DACH2: variants seen among roughly 807,000 people sequenced by gnomAD.
DACH2 encodes the protein dachshund homolog 2.
In DACH2, 17 loss-of-function variants were observed where a neutral mutation model predicts 35.8. That is an observed-to-expected ratio of 0.48 (90% confidence interval 0.33 to 0.71). The LOEUF (loss-of-function observed/expected upper bound fraction) is 0.71, where lower values mean the gene tolerates loss of function less well. Among genes scored for constraint, DACH2 ranks in the 30% least tolerant of loss-of-function variants. The pLI is 0.02. For missense variants in DACH2, 469 were observed against 472.7 expected (o/e 0.99, Z 0.07); for synonymous variants, 195 against 177.3 (o/e 1.10, Z -0.79).
At chrX:86,798,329 A>G (rs756445954) in intron 7 of DACH2, among the ~76,000 whole-genome samples, 1 of 112,244 alleles carries the variant, frequency 8.9e-6, no homozygotes, top group Non-Finnish European at 1.9e-5. Context: ...TTCACAAGTC[A>G]CTAAAAAACA....
chrX:86,345,861 T>C (rs2035488029), intron 1 of DACH2, among the ~76,000 whole-genome samples: 1 of 111,793 alleles, frequency 8.9e-6, no homozygotes, highest in South Asian at 3.7e-4. Context: ...GATCCCTAAA[T>C]AAAAGAACAG....
At chrX:86,304,035 T>A (rs2034627836) in intron 1 of DACH2, among the ~76,000 whole-genome samples, 1 of 111,646 alleles carries the variant, frequency 9.0e-6, no homozygotes, top group African/African-American at 3.3e-5. Context: ...AACAGACTGA[T>A]AAACTACTGA....
At chrX:86,569,569 C>G (rs1035657563) in intron 3 of DACH2, among the ~76,000 whole-genome samples, 1 of 111,151 alleles carries the variant, frequency 9.0e-6, no homozygotes, top group Non-Finnish European at 1.9e-5. Flanking sequence ...GACTTAAACT[C>G]GGCATTTTGA....
chrX:86,654,811 A>G (rs1239056509), intron 4 of DACH2, among the ~76,000 whole-genome samples: 1 of 111,713 alleles, frequency 9.0e-6, no homozygotes, highest in African/African-American at 3.3e-5. Context: ...TTGTAGTATT[A>G]TAATCATAAT....
intron 6 of DACH2, 108 bp downstream of exon 6, chrX:86,714,828 A>C: frequency 1.4e-6 from 1 of 719,405 alleles, no homozygotes; most frequent in Middle Eastern, 3.7e-4. Context: ...TCATTGACTC[A>C]GTTAGTTAGC....
intron 1 of DACH2, among the ~76,000 whole-genome samples, chrX:86,201,549 C>T (rs2032157504): frequency 9.0e-6 from 1 of 111,210 alleles, no homozygotes; most frequent in African/African-American, 3.3e-5. Flanking sequence ...ATTGCCATCT[C>T]TTAAGCTACT....
intron 3 of DACH2, among the ~76,000 whole-genome samples, chrX:86,638,828 G>A (rs1297215546): frequency 8.9e-6 from 1 of 111,802 alleles, no homozygotes; most frequent in East Asian, 2.8e-4. Flanking sequence ...AAATTAGTAC[G>A]ATCTATATGG....
chrX:86,688,851 G>A (rs2040977802), intron 4 of DACH2, among the ~76,000 whole-genome samples: 1 of 112,093 alleles, frequency 8.9e-6, no homozygotes, highest in African/African-American at 3.2e-5. Context: ...CAATATGATA[G>A]TCCCTAGCTG....
At chrX:86,662,515 C>A (rs7050879) in intron 4 of DACH2, among the ~76,000 whole-genome samples, 13,135 of 109,991 alleles carry the variant, frequency 0.12, 670 homozygotes, top group East Asian at 0.32. Context: ...ATAGCTTGAA[C>A]CAGGCAGGCG....
At chrX:86,749,163 C>T (rs768905407) in intron 7 of DACH2, among the ~76,000 whole-genome samples, 5 of 111,824 alleles carry the variant, frequency 4.5e-5, no homozygotes, top group African/African-American at 1.6e-4. Flanking sequence ...CAAGTTTCTC[C>T]ATATCAAGAA....
At chrX:86,603,434 C>A (rs759938469) in intron 3 of DACH2, among the ~76,000 whole-genome samples, 1 of 110,011 alleles carries the variant, frequency 9.1e-6, no homozygotes, top group African/African-American at 3.3e-5. Flanking sequence ...CATTCACCCC[C>A]ATTCCAACAT....
chrX:86,349,267 G>A (rs1211445385), intron 1 of DACH2, among the ~76,000 whole-genome samples: 1 of 111,742 alleles, frequency 8.9e-6, no homozygotes, highest in Non-Finnish European at 1.9e-5. Context: ...CCGACCACCT[G>A]GGCCAAACTC....
intron 2 of DACH2, among the ~76,000 whole-genome samples, chrX:86,391,180 C>A (rs1432283018): frequency 9.8e-6 from 1 of 101,723 alleles, no homozygotes; most frequent in Non-Finnish European, 2.0e-5. Context: ...TACTAGGAGA[C>A]GGAGGCATGA....
intron 1 of DACH2, among the ~76,000 whole-genome samples, chrX:86,296,690 C>T (rs7878840): frequency 0.24 from 26,952 of 110,354 alleles, 4,185 homozygotes; most frequent in African/African-American, 0.56. Flanking sequence ...TTGAGATGTA[C>T]ACATACATAT....
At chrX:86,790,037 A>C (rs1416163176) in intron 7 of DACH2, among the ~76,000 whole-genome samples, 1 of 112,150 alleles carries the variant, frequency 8.9e-6, no homozygotes. Context: ...AAAATATTTC[A>C]CATGTGTACT....
At chrX:86,789,460 G>T (rs889545885) in intron 7 of DACH2, among the ~76,000 whole-genome samples, 2 of 111,604 alleles carry the variant, frequency 1.8e-5, no homozygotes, top group Non-Finnish European at 1.9e-5. Flanking sequence ...GTTGCATCTG[G>T]TATCAATAAT....
intron 2 of DACH2, among the ~76,000 whole-genome samples, chrX:86,496,887 A>G (rs1341537376): frequency 9.0e-6 from 1 of 111,528 alleles, no homozygotes; most frequent in African/African-American, 3.3e-5. Context: ...ATCTCCCACC[A>G]ATGCCAAAGC....
chrX:86,749,721 AC>A (rs1489337925), intron 7 of DACH2, among the ~76,000 whole-genome samples: 1 of 111,414 alleles, frequency 9.0e-6, no homozygotes, highest in Admixed American at 9.6e-5. Flanking sequence ...GAAAAATGAC[AC>A]CAATAGACTT....
intron 2 of DACH2, among the ~76,000 whole-genome samples, chrX:86,403,222 G>T (rs760288017): frequency 5.4e-5 from 6 of 112,052 alleles, no homozygotes; most frequent in Admixed American, 9.5e-5. Flanking sequence ...CACAGCAAAA[G>T]AAATTTTCAT....
Sources: allele counts gnomAD v4.1 joint callset (sites outside exome capture counted in the v4.1 genomes callset), GRCh38; gene constraint gnomAD v4.1.1; transcripts MANE v1.5; gene names NCBI Gene and HGNC (gene_info 2026-07-23, HGNC 2026-07-21).